The following UTP20 variants were observed in gnomAD, a reference collection of about 807,000 sequenced individuals.
UTP20 encodes small subunit processome component 20 homolog.
UTP20 carries 164 observed loss-of-function variants against 329.5 expected under a neutral mutation model. That is an observed-to-expected ratio of 0.50 (90% CI 0.44 to 0.57). The LOEUF (loss-of-function observed/expected upper bound fraction) is 0.57, where lower values mean the gene tolerates loss of function less well. Ranked by LOEUF, UTP20 falls within the 20% of genes least tolerant of loss-of-function variation. UTP20 has a pLI of 0.00. For missense variants in UTP20, 3,055 were observed against 3,284.2 expected, an observed-to-expected ratio of 0.93 and a Z score of 1.71; for synonymous variants, 1,151 against 1,159.3, an observed-to-expected ratio of 0.99 and a Z score of 0.14.
chr12:101,298,732 A>G lies in UTP20; in HGVS notation c.1431-950A>G, dbSNP rs1334384260. 2.6e-5 allele frequency among the ~76,000 whole-genome samples: 4 copies of G among 152,328 alleles called. No homozygotes were observed. The East Asian group carries it at 5.8e-4, about 22-fold the overall frequency. On this transcript the variant is annotated intron_variant, in intron 12 of 61. Transcript: ENST00000261637. ...TCATGATTATTACTAAAAAGACTAT[A>G]TATATCAAGATGTGGTGACTTTAAG...
chr12:101,373,102 G>C, intron 52 of UTP20, 139 bp downstream of exon 52: 1 of 749,214 alleles, frequency 1.3e-6, no homozygotes, highest in South Asian at 1.8e-5. Flanking sequence ...TCATTGACTT[G>C]ATAATCAGAC....
At chr12:101,341,464 A>G (rs767058766) in intron 32 of UTP20, among the ~76,000 whole-genome samples, 8 of 152,218 alleles carry the variant, frequency 5.3e-5, no homozygotes, top group Non-Finnish European at 1.2e-4. Context: ...TTCTCCCCAC[A>G]TAGTTGTTCA....
chr12:101,289,042 G>C lies in UTP20; in HGVS notation c.597+1G>C. 6.2e-7 allele frequency: 1 copy of C among 1,607,752 alleles called. No homozygotes were observed. Among genetic ancestry groups the C allele is most frequent in the Non-Finnish European group, 8.5e-7 (1 of 1,174,618 alleles). On this transcript the variant is annotated splice_donor_variant, in intron 6 of 61. Coordinates refer to ENST00000261637, the MANE Select transcript of UTP20 (RefSeq NM_014503.3). LOFTEE classifies it high-confidence loss of function. The stretch of plus-strand genomic sequence containing the variant: ...AAGTTTTACTTTTTTGATGAGAAAG[G>C]TTAGTCTGGTATTTTATCTGTTTGT...
chr12:101,357,410 T>C (rs909686713), intron 43 of UTP20, among the ~76,000 whole-genome samples: 4 of 152,156 alleles, frequency 2.6e-5, no homozygotes, highest in African/African-American at 9.7e-5. Context: ...GTGTGAATGA[T>C]AAAGAACATA....
intron 12 of UTP20, among the ~76,000 whole-genome samples, chr12:101,298,836 G>A (rs1872440204): frequency 6.6e-6 from 1 of 151,576 alleles, no homozygotes; most frequent in South Asian, 2.1e-4. Flanking sequence ...AAACAAAAGA[G>A]AATGTAGCTT....
At chr12:101,320,109 G>GT (rs1387019349) in intron 23 of UTP20, among the ~76,000 whole-genome samples, 1 of 152,182 alleles carries the variant, frequency 6.6e-6, no homozygotes, top group Non-Finnish European at 1.5e-5. Flanking sequence ...AGCATTGGAT[G>GT]TAATTCTAAG....
Position 101,386,201 on chromosome 12 carries a change from A to AG in UTP20, c.*84dup, listed in dbSNP as rs1440162780. 9.1e-6 allele frequency: 11 copies of AG among 1,210,948 alleles called. No homozygotes were observed. The highest frequency in any genetic ancestry group is 8.0e-5 in the African/African-American group (5 of 62,492). 75.0% of individuals were successfully genotyped at this position (1,210,948 alleles called of 1,614,324 possible). A position where few individuals can be genotyped will look rare whatever the true frequency, so the allele number is the denominator to read the frequency against. ...GAAATTACAGTAGGTTGTCTGGGGT[A>AG]GGGGGGAGGCGTTTTTTTTTTTTTT... is the stretch of plus-strand genomic sequence containing the variant. On this transcript the variant is annotated 3_prime_UTR_variant, in exon 62 of 62. Coordinates refer to ENST00000261637, the MANE Select transcript of UTP20 (RefSeq NM_014503.3).
intron 47 of UTP20, among the ~76,000 whole-genome samples, chr12:101,367,499 T>C (rs1870135468): frequency 6.6e-6 from 1 of 152,016 alleles, no homozygotes; most frequent in Non-Finnish European, 1.5e-5. Context: ...CACAGAACTC[T>C]CAAAGCACCC....
rs1309546233 is a variant in UTP20 at position 101,321,608 on chromosome 12, A to T, written c.3020A>T (p.Asp1007Val). 5 of 1,613,602 alleles carry T rather than the reference A, an allele frequency of 3.1e-6. No homozygotes were observed. The South Asian group carries it at 5.5e-5, about 18-fold the overall frequency. The part of the protein sequence containing the change: ...NAVVKTAHRA[D>V]LFPILMRILY... ...GTAGTGAAAACAGCCCACCGAGCAG[A>T]TCTATTTCCTATTCTGATGAGGTAT... The change falls in exon 25 of 62, where the codon GAT becomes GTT. Residue 1007 changes from aspartate to valine, a missense_variant. Asp to Val is a radical substitution (Grantham distance 152). This residue lies in a region of UTP20 where 2,445 missense variants were observed against 2,575.5 expected (regional missense o/e 0.95). Transcript: ENST00000261637.
In UTP20 at chr12:101,321,440, C is replaced by T. The variant is rs1593432072; in HGVS notation, c.2916-64C>T. The T allele has an allele frequency of 4.4e-6, 7 of 1,594,866 alleles. No individual in the cohort carries two copies. The East Asian group carries it at 1.6e-4, about 36-fold the overall frequency. ...GTTATTACTCTGTGTACATATTTCA[C>T]TCTTTCATTATTCAAAAGCACTGTT... On this transcript the variant is annotated intron_variant, in intron 24 of 61. Transcript: ENST00000261637.
At chr12:101,319,506 C>A in intron 22 of UTP20, 39 bp from the exon 23 acceptor site, 6 of 1,496,418 alleles carry the variant, frequency 4.0e-6, no homozygotes, top group South Asian at 1.2e-5. Context: ...GATCTCAATT[C>A]TTTAATTCTG....
intron 48 of UTP20, among the ~76,000 whole-genome samples, chr12:101,368,951 A>G (rs1368146092): frequency 1.3e-5 from 2 of 152,186 alleles, no homozygotes; most frequent in Non-Finnish European, 2.9e-5. Context: ...CACGGGTGTT[A>G]TTAGATGGAG....
At chr12:101,309,521 G>A (rs1872724578) in intron 18 of UTP20, among the ~76,000 whole-genome samples, 1 of 152,194 alleles carries the variant, frequency 6.6e-6, no homozygotes. Context: ...AATACCTGGA[G>A]TGAATTTGAA....
intron 41 of UTP20, 60 bp downstream of exon 41, chr12:101,355,178 G>A (rs1869680102): frequency 6.5e-7 from 1 of 1,536,260 alleles, no homozygotes; most frequent in Admixed American, 1.9e-5. Context: ...GTGGAGCCCT[G>A]TCACACTGAG....
chr12:101,312,096 A>C lies in UTP20; in HGVS notation c.2372A>C (p.Gln791Pro), dbSNP rs1465059609. The change falls in exon 21 of 62, where the codon CAG becomes CCG. Residue 791 changes from glutamine (Q) to proline (P), a missense_variant. This residue lies in a region of UTP20 where 2,445 missense variants were observed against 2,575.5 expected (regional missense o/e 0.95). Coordinates refer to ENST00000261637, the MANE Select transcript of UTP20 (RefSeq NM_014503.3). The stretch of plus-strand genomic sequence containing the variant: ...TCCGTTGGAGATGAAAGTTGGGAGC[A>C]GACCCAGGAAGGAGATGTTGGAGCT... Reference protein sequence around the residue: ...EKSVGDESWEQTQEGDVGALY... With the variant: ...EKSVGDESWEPTQEGDVGALY... 2 of 1,614,264 alleles carry C rather than the reference A, an allele frequency of 1.2e-6. No homozygotes were observed. Among genetic ancestry groups the C allele is most frequent in the African/African-American group, 2.7e-5 (2 of 75,084 alleles).
intron 8 of UTP20, 117 bp from the exon 9 acceptor site, chr12:101,291,625 T>A: frequency 9.2e-7 from 1 of 1,087,150 alleles, no homozygotes; most frequent in Non-Finnish European, 1.2e-6. Context: ...GGTAAATGTA[T>A]CTTTTTCTTC....
chr12:101,365,617 G>T lies in UTP20; in HGVS notation c.6117G>T (p.Glu2039Asp). Residue 2039 changes from glutamate (E) to aspartate (D), a missense_variant, in exon 46 of 62, where the codon GAG becomes GAT. Physicochemically the swap from Glu to Asp is conservative, Grantham distance 45. This residue lies in a region of UTP20 where 2,445 missense variants were observed against 2,575.5 expected (regional missense o/e 0.95). Transcript: ENST00000261637. ...GTGAAAATCTTCCCCTGTTAACAGA[G>T]AAAGAAAAGTAAGTTGGAAAAAAAA... ...LISENLPLLT[E>D]KEKNPVAPAP... 2 of 1,561,776 alleles carry T rather than the reference G, an allele frequency of 1.3e-6. 1 individual carries two copies. The highest frequency in any genetic ancestry group is 1.7e-6 in the Non-Finnish European group (2 of 1,160,440).
intron 45 of UTP20, 37 bp downstream of exon 45, chr12:101,363,780 T>G (rs145603099): frequency 7.4e-5 from 101 of 1,361,286 alleles, no homozygotes; most frequent in Admixed American, 2.7e-4. Context: ...ATCACAGCAT[T>G]ACAATCTCAT....
At chr12:101,280,475 G>C in intron 1 of UTP20, 148 bp downstream of exon 1, 1 of 997,196 alleles carries the variant, frequency 1.0e-6, no homozygotes, top group South Asian at 1.6e-5. Context: ...GACACTGGAT[G>C]TAGTAAACAT....
Sources: gnomAD v4.1 joint callset for allele counts (sites outside exome capture counted in the v4.1 genomes callset) on GRCh38, gnomAD v4.1.1 for gene constraint, gnomAD v4.1.1 regional missense constraint, MANE v1.5 for transcripts, NCBI Gene and HGNC (gene_info 2026-07-23, HGNC 2026-07-21) for gene names.